Variants in KIAA1328 observed in about 807,000 individuals in gnomAD.
The protein encoded by KIAA1328 is protein hinderin.
A neutral mutation model predicts 68.1 loss-of-function variants in KIAA1328; 52 were observed. The ratio of observed to expected loss-of-function variants is 0.76; its 90% CI spans 0.61 to 0.96. KIAA1328 has a LOEUF of 0.96. KIAA1328 is among the 40% of genes least tolerant of loss of function. The probability of loss-of-function intolerance (pLI) is 0.00; values close to 1 mark genes in which losing one functional copy is unlikely to be tolerated. For missense variants in KIAA1328, 641 were observed against 677.6 expected (o/e 0.95, Z 0.60); for synonymous variants, 232 against 239.4 (o/e 0.97, Z 0.28).
intron 6 of KIAA1328, among the ~76,000 whole-genome samples, chr18:37,028,059 C>T (rs999070219): frequency 2.6e-5 from 4 of 152,146 alleles, no homozygotes; most frequent in Non-Finnish European, 5.9e-5. Context: ...TATGAACAGA[C>T]ACTTCTCAAA....
At chr18:37,008,040 C>T (rs2053843817) in intron 6 of KIAA1328, among the ~76,000 whole-genome samples, 3 of 152,124 alleles carry the variant, frequency 2.0e-5, no homozygotes, top group African/African-American at 7.2e-5. Flanking sequence ...ACCACAGGAA[C>T]CAAGTAAATG....
At chr18:36,905,134 C>T (rs918297940) in intron 5 of KIAA1328, among the ~76,000 whole-genome samples, 55 of 146,314 alleles carry the variant, frequency 3.8e-4, no homozygotes, top group Admixed American at 1.9e-3. Context: ...TTTATTGAGA[C>T]GGAGTCTTGC....
chr18:37,173,245 G>T (rs1282449757), intron 9 of KIAA1328, among the ~76,000 whole-genome samples, 164 bp downstream of exon 9: 1 of 152,152 alleles, frequency 6.6e-6, no homozygotes, highest in Non-Finnish European at 1.5e-5. Flanking sequence ...GAACCACATG[G>T]AGTCCTTTTC....
chr18:37,216,762 TCTATGTCTCCTTG>T (rs890532358), intron 9 of KIAA1328, among the ~76,000 whole-genome samples: 1 of 152,016 alleles, frequency 6.6e-6, no homozygotes, highest in Non-Finnish European at 1.5e-5. Context: ...TTTGTGGGAG[TCTATGTCTCCTTG>T]TACTCTCTGA....
At position 36,921,960 on chromosome 18, in the gene KIAA1328, TC is replaced by T. The variant is rs1423920909; in HGVS notation, c.448+36289del. Among the ~76,000 whole-genome samples the T allele has an allele frequency of 1.1e-4, 16 of 151,826 alleles. 1 individual carries two copies. Among genetic ancestry groups the T allele is most frequent in the Admixed American group, 6.6e-5 (1 of 15,216 alleles). ...TTTTTTTTTTGAGACAGAGTCTCGC[TC>T]TTGTCCCCCAGGCCAGAGTGCAATG... On this transcript the variant is annotated intron_variant, in intron 5 of 9. Coordinates refer to ENST00000280020, the MANE Select transcript of KIAA1328 (RefSeq NM_020776.3).
intron 6 of KIAA1328, among the ~76,000 whole-genome samples, chr18:37,054,229 A>G (rs959846283): frequency 6.6e-6 from 1 of 152,194 alleles, no homozygotes; most frequent in African/African-American, 2.4e-5. Flanking sequence ...AAATTAGTTC[A>G]TCCCCTATGG....
At chr18:36,865,827 T>A (rs775139135) in intron 4 of KIAA1328, among the ~76,000 whole-genome samples, 9 of 152,164 alleles carry the variant, frequency 5.9e-5, no homozygotes, top group Admixed American at 1.3e-4. Flanking sequence ...TATACTGTCA[T>A]ATCCCACACC....
chr18:36,859,048 G>A (rs2047472484), intron 4 of KIAA1328, among the ~76,000 whole-genome samples: 1 of 151,850 alleles, frequency 6.6e-6, no homozygotes, highest in Admixed American at 6.6e-5. Context: ...CAACTTCATG[G>A]GCAATTAAAT....
At chr18:37,035,615 T>C (rs2054995758) in intron 6 of KIAA1328, among the ~76,000 whole-genome samples, 1 of 151,718 alleles carries the variant, frequency 6.6e-6, no homozygotes. Flanking sequence ...TAGAGAAGAG[T>C]CTCCAAGATA....
intron 4 of KIAA1328, among the ~76,000 whole-genome samples, chr18:36,867,899 T>G (rs1456902677): frequency 6.6e-6 from 1 of 152,182 alleles, no homozygotes; most frequent in African/African-American, 2.4e-5. Flanking sequence ...AAGAAAGACT[T>G]ACTGGTTAGG....
intron 4 of KIAA1328, among the ~76,000 whole-genome samples, chr18:36,845,672 G>A (rs1011868331): frequency 1.3e-5 from 2 of 151,698 alleles, no homozygotes; most frequent in African/African-American, 4.8e-5. Flanking sequence ...GGGAAAAAGT[G>A]ACATATATGA....
chr18:36,925,756 C>G (rs1314127312), intron 5 of KIAA1328, among the ~76,000 whole-genome samples: 1 of 151,970 alleles, frequency 6.6e-6, no homozygotes, highest in African/African-American at 2.4e-5. Context: ...CCAGACTGGT[C>G]TCAAACTCTT....
intron 6 of KIAA1328, among the ~76,000 whole-genome samples, chr18:36,984,540 T>G (rs552080113): frequency 3.0e-4 from 45 of 152,188 alleles, no homozygotes; most frequent in African/African-American, 9.9e-4. Flanking sequence ...TAAAAAGAAA[T>G]AAATGTGGCA....
At chr18:37,101,804 C>G (rs2057626944) in intron 7 of KIAA1328, among the ~76,000 whole-genome samples, 2 of 152,228 alleles carry the variant, frequency 1.3e-5, no homozygotes, top group African/African-American at 2.4e-5. Context: ...ACCCATCAGA[C>G]TAACAGCTGA....
chr18:36,961,769 A>C (rs1470410556), intron 6 of KIAA1328, among the ~76,000 whole-genome samples: 1 of 152,218 alleles, frequency 6.6e-6, no homozygotes, highest in East Asian at 1.9e-4. Context: ...AAATGCTGAG[A>C]GATTTTGTCA....
chr18:37,213,004 C>G (rs1481860446), intron 9 of KIAA1328, among the ~76,000 whole-genome samples: 2 of 152,326 alleles, frequency 1.3e-5, no homozygotes, highest in East Asian at 3.9e-4. Flanking sequence ...CAGGCGTGCG[C>G]CACTGCACAC....
At chr18:37,189,657 T>C (rs2059868005) in intron 9 of KIAA1328, among the ~76,000 whole-genome samples, 1 of 152,168 alleles carries the variant, frequency 6.6e-6, no homozygotes, top group Non-Finnish European at 1.5e-5. Context: ...ATTAATTAGC[T>C]AAGGCATGGG....
intron 5 of KIAA1328, chr18:36,886,497 G>A (rs964523551): frequency 6.8e-6 from 1 of 146,628 alleles, no homozygotes; most frequent in Admixed American, 6.6e-5. Flanking sequence ...TAGACCTAGA[G>A]GGGTGTGTGT....
chr18:37,211,079 G>T (rs945541480), intron 9 of KIAA1328, among the ~76,000 whole-genome samples: 1 of 152,212 alleles, frequency 6.6e-6, no homozygotes, highest in Non-Finnish European at 1.5e-5. Context: ...AGATTAATTT[G>T]TTGGAGGAAA....
Sources: gnomAD v4.1 joint callset for allele counts (sites outside exome capture counted in the v4.1 genomes callset) on GRCh38, gnomAD v4.1.1 for gene constraint, MANE v1.5 for transcripts, NCBI Gene and HGNC (gene_info 2026-07-23, HGNC 2026-07-21) for gene names.